GRM7: variants seen among roughly 807,000 people sequenced by gnomAD.
GRM7 encodes the protein glutamate metabotropic receptor 7, also known as metabotropic glutamate receptor 7.
Under a neutral mutation model 84.5 loss-of-function variants are expected in GRM7, and 35 were observed. The observed-to-expected ratio is 0.41, with a 90% CI of 0.32 to 0.55. GRM7 has a LOEUF of 0.55. Ranked by LOEUF, GRM7 falls within the 20% of genes least tolerant of loss-of-function variation. The probability of loss-of-function intolerance (pLI) is 0.19; values close to 1 mark genes in which losing one functional copy is unlikely to be tolerated. For missense variants in GRM7, 1,003 were observed against 1,194.6 expected (o/e 0.84, Z 2.36); for synonymous variants, 487 against 455.1 (o/e 1.07, Z -0.89).
chr3:6,921,825 C>A (rs1411236826), intron 1 of GRM7, among the ~76,000 whole-genome samples: 1 of 152,094 alleles, frequency 6.6e-6, no homozygotes, highest in Non-Finnish European at 1.5e-5. Context: ...CTCTCTCTCT[C>A]CTCTCCCCCC....
chr3:7,618,960 C>G (rs1255814635), intron 8 of GRM7, among the ~76,000 whole-genome samples: 1 of 151,842 alleles, frequency 6.6e-6, no homozygotes, highest in Non-Finnish European at 1.5e-5. Flanking sequence ...GTTCGGAGAT[C>G]AAAAAAAGAA....
chr3:7,712,194 C>T (rs1701602870), intron 9 of GRM7, among the ~76,000 whole-genome samples: 2 of 152,166 alleles, frequency 1.3e-5, no homozygotes, highest in Non-Finnish European at 2.9e-5. Flanking sequence ...AGCAAGTAAA[C>T]CTTTCTAGGC....
At chr3:6,887,485 G>T (rs988745232) in intron 1 of GRM7, among the ~76,000 whole-genome samples, 1 of 151,824 alleles carries the variant, frequency 6.6e-6, no homozygotes, top group Non-Finnish European at 1.5e-5. Context: ...GCAGTGCTTG[G>T]TTTTTTGTTC....
At chr3:7,513,892 G>A (rs1277057111) in intron 7 of GRM7, among the ~76,000 whole-genome samples, 1 of 152,134 alleles carries the variant, frequency 6.6e-6, no homozygotes, top group African/African-American at 2.4e-5. Context: ...CACTTCATCT[G>A]TCCTAGCTAT....
intron 1 of GRM7, among the ~76,000 whole-genome samples, chr3:7,065,366 A>G (rs1372934443): frequency 1.3e-5 from 2 of 151,910 alleles, no homozygotes; most frequent in Non-Finnish European, 2.9e-5. Flanking sequence ...TGAGTTTTGT[A>G]TAAGGTGAGA....
At chr3:6,943,887 G>A (rs566480568) in intron 1 of GRM7, among the ~76,000 whole-genome samples, 4 of 152,094 alleles carry the variant, frequency 2.6e-5, no homozygotes, top group African/African-American at 9.6e-5. Flanking sequence ...GTGTACGGGT[G>A]TTGTACATCT....
intron 8 of GRM7, among the ~76,000 whole-genome samples, chr3:7,600,854 G>A (rs762775901): frequency 1.3e-5 from 2 of 152,064 alleles, no homozygotes; most frequent in African/African-American, 2.4e-5. Flanking sequence ...TATTTTGTAT[G>A]CAAATCTCTT....
intron 4 of GRM7, among the ~76,000 whole-genome samples, chr3:7,333,865 T>G (rs1260835979): frequency 1.3e-5 from 2 of 151,790 alleles, no homozygotes; most frequent in East Asian, 1.9e-4. Context: ...AAGAAAGAAC[T>G]TCAGAGCTCG....
rs1248250708 is a variant in GRM7, at chr3:7,209,917, A to G, written c.736+63249A>G. On this transcript the variant is annotated intron_variant, in intron 2 of 9. Transcript: ENST00000357716. Reference sequence around the variant, plus strand: ...GAGAGGCCTGTCTCACCTCTCAAGTACAAGGGGAGAGGGAAGTAAAGACAA... The same window carrying G: ...GAGAGGCCTGTCTCACCTCTCAAGTGCAAGGGGAGAGGGAAGTAAAGACAA... 5.9e-5 allele frequency among the ~76,000 whole-genome samples: 9 copies of G among 152,310 alleles called. No homozygotes were observed. In the South Asian group the frequency reaches 1.7e-3, roughly 28 times the overall value.
chr3:7,593,209 T>G (rs1390358978), intron 8 of GRM7, among the ~76,000 whole-genome samples: 2 of 152,212 alleles, frequency 1.3e-5, no homozygotes, highest in African/African-American at 4.8e-5. Flanking sequence ...AAGTACAGTT[T>G]TATCAGGTAG....
At chr3:7,432,572 T>A (rs1696873246) in intron 5 of GRM7, among the ~76,000 whole-genome samples, 1 of 151,950 alleles carries the variant, frequency 6.6e-6, no homozygotes, top group Non-Finnish European at 1.5e-5. Context: ...TCTTCCCGCC[T>A]GTGCCTCCCA....
chr3:7,715,994 T>A (rs1701759538), intron 9 of GRM7, among the ~76,000 whole-genome samples: 1 of 152,106 alleles, frequency 6.6e-6, no homozygotes, highest in Admixed American at 6.6e-5. Flanking sequence ...AGTGTTATTC[T>A]CACCCCCTTC....
chr3:7,451,660 C>G (rs73015547), intron 5 of GRM7: 5 of 151,980 alleles, frequency 3.3e-5, no homozygotes, highest in Non-Finnish European at 2.9e-5. Context: ...GTGATTTAAC[C>G]TCTATAAGGC....
chr3:7,148,728 C>T (rs1373341224), intron 2 of GRM7, among the ~76,000 whole-genome samples: 1 of 152,036 alleles, frequency 6.6e-6, no homozygotes, highest in African/African-American at 2.4e-5. Context: ...TCTGAACTCC[C>T]CAGCTCATAT....
intron 5 of GRM7, among the ~76,000 whole-genome samples, chr3:7,423,974 T>C (rs1400007136): frequency 2.0e-5 from 3 of 152,228 alleles, no homozygotes; most frequent in African/African-American, 7.2e-5. Context: ...AGAAACACAA[T>C]ATTCAAGCTG....
At chr3:7,439,556 G>A (rs1697200110) in intron 5 of GRM7, among the ~76,000 whole-genome samples, 1 of 152,166 alleles carries the variant, frequency 6.6e-6, no homozygotes, top group Non-Finnish European at 1.5e-5. Context: ...TGCAGATATG[G>A]TAAAATCCCA....
At chr3:7,265,352 C>A (rs1001204876) in intron 2 of GRM7, among the ~76,000 whole-genome samples, 2 of 152,192 alleles carry the variant, frequency 1.3e-5, no homozygotes, top group African/African-American at 4.8e-5. Context: ...AGGTTCATTT[C>A]TAAGAACTTT....
chr3:7,066,524 G>T (rs1015875644), intron 1 of GRM7, among the ~76,000 whole-genome samples: 1 of 151,736 alleles, frequency 6.6e-6, no homozygotes, highest in Non-Finnish European at 1.5e-5. Flanking sequence ...AGATTGAAAT[G>T]GCAATTTAAA....
intron 2 of GRM7, among the ~76,000 whole-genome samples, chr3:7,157,633 A>G (rs1312649353): frequency 1.3e-5 from 2 of 152,090 alleles, no homozygotes; most frequent in East Asian, 1.9e-4. Context: ...TACATCTGTG[A>G]TATGGTTAAG....
Sources: gnomAD v4.1 joint callset for allele counts (sites outside exome capture counted in the v4.1 genomes callset) on GRCh38, gnomAD v4.1.1 for gene constraint, MANE v1.5 for transcripts, NCBI Gene and HGNC (gene_info 2026-07-23, HGNC 2026-07-21) for gene names.